The following TRPM3 variants were observed in gnomAD, a reference collection of about 807,000 sequenced individuals.
The protein encoded by TRPM3 is transient receptor potential cation channel subfamily M member 3, also known as long transient receptor potential channel 3.
In TRPM3, 77 loss-of-function variants were observed where a neutral mutation model predicts 181.2. The ratio of observed to expected loss-of-function variants is 0.42; its 90% CI spans 0.35 to 0.51. TRPM3 has a LOEUF of 0.51. Among genes scored for constraint, TRPM3 ranks in the 20% least tolerant of loss-of-function variants. TRPM3 has a pLI of 0.01. For missense variants in TRPM3, 1,759 were observed against 2,196.7 expected (o/e 0.80, Z 3.98); for synonymous variants, 745 against 796.4 (o/e 0.94, Z 1.09).
At chr9:70,831,511 G>A (rs2131755328) in intron 5 of TRPM3, among the ~76,000 whole-genome samples, 1 of 151,536 alleles carries the variant, frequency 6.6e-6, no homozygotes, top group Non-Finnish European at 1.5e-5. Flanking sequence ...GAGAAATTAA[G>A]TCCTACTGCC....
intron 22 of TRPM3, among the ~76,000 whole-genome samples, chr9:70,574,092 G>GCGCACA (rs961733949): frequency 8.4e-6 from 1 of 119,086 alleles, no homozygotes; most frequent in African/African-American, 2.8e-5. Flanking sequence ...ACACGCGCGC[G>GCGCACA]CACACACACA....
rs200421016 is a variant in TRPM3 at position 71,279,034 on chromosome 9, T to TAAAAAAAAAAAAAAAAAAA, written c.183+167618_183+167619insTTTTTTTTTTTTTTTTTTT. On this transcript the variant is annotated intron_variant, in intron 1 of 24. Transcript: ENST00000357533. ...CCTCACCAAACTTATCCTGCTTAGG[T>TAAAAAAAAAAAAAAAAAAA]TAAAAAAAATAAAAATAAAAATAAA... Among the ~76,000 whole-genome samples, 6 of 47,568 alleles carry TAAAAAAAAAAAAAAAAAAA rather than the reference T, an allele frequency of 1.3e-4. 1 individual carries two copies. The highest frequency in any genetic ancestry group is 6.2e-4 in the African/African-American group (6 of 9,620). 31.2% of individuals were successfully genotyped at this position (47,568 alleles called of 152,430 possible). A position where few individuals can be genotyped will look rare whatever the true frequency, so the allele number is the denominator to read the frequency against.
intron 1 of TRPM3, among the ~76,000 whole-genome samples, chr9:71,248,123 C>T (rs1588126907): frequency 6.6e-6 from 1 of 152,312 alleles, no homozygotes; most frequent in East Asian, 1.9e-4. Flanking sequence ...TAATTGGAAA[C>T]GTAAGGCATC....
intron 1 of TRPM3, among the ~76,000 whole-genome samples, chr9:71,398,645 T>C (rs1373218451): frequency 6.6e-6 from 1 of 152,196 alleles, no homozygotes; most frequent in Admixed American, 6.5e-5. Flanking sequence ...TGATTGTAAG[T>C]TTCCTGAGGC....
At chr9:71,354,615 A>G (rs1472119353) in intron 1 of TRPM3, among the ~76,000 whole-genome samples, 4 of 152,208 alleles carry the variant, frequency 2.6e-5, no homozygotes, top group Non-Finnish European at 5.9e-5. Flanking sequence ...TTCATCATCA[A>G]CTTACACAGA....
At chr9:70,799,290 A>C (rs2088185508) in intron 6 of TRPM3, among the ~76,000 whole-genome samples, 1 of 152,060 alleles carries the variant, frequency 6.6e-6, no homozygotes, top group Non-Finnish European at 1.5e-5. Context: ...AAGGTCATTA[A>C]AGTAACCATT....
At chr9:71,115,448 T>C (rs1294130794) in intron 1 of TRPM3, among the ~76,000 whole-genome samples, 1 of 152,188 alleles carries the variant, frequency 6.6e-6, no homozygotes, top group Non-Finnish European at 1.5e-5. Context: ...ATACGTTTTG[T>C]TGGTCACAGC....
In TRPM3 at chr9:71,359,018, C is replaced by A. The variant is rs187595402; in HGVS notation, c.183+87635G>T. Among the ~76,000 whole-genome samples, 690 of 152,296 alleles carry A rather than the reference C, an allele frequency of 4.5e-3. 5 individuals carry two copies. Among genetic ancestry groups the A allele is most frequent in the African/African-American group, 0.016 (661 of 41,558 alleles). ...ATATATTAAGAATTTGGTAATACTT[C>A]TTTTGATGATATAGTGCCTCACTGA... is the stretch of plus-strand genomic sequence containing the variant. On this transcript the variant is annotated intron_variant, in intron 1 of 24. Transcript: ENST00000357533.
chr9:70,816,715 C>T (rs1458778131), intron 6 of TRPM3, among the ~76,000 whole-genome samples: 1 of 152,110 alleles, frequency 6.6e-6, no homozygotes, highest in Non-Finnish European at 1.5e-5. Flanking sequence ...TGATGTGTAA[C>T]AAAATATGTG....
intron 1 of TRPM3, chr9:70,917,260 C>T (rs1441788057): frequency 4.0e-6 from 6 of 1,517,872 alleles, no homozygotes; most frequent in African/African-American, 1.4e-5. Context: ...TTATCATAAA[C>T]ACCAATTCAG....
intron 7 of TRPM3, among the ~76,000 whole-genome samples, chr9:70,769,012 T>C (rs2079682727): frequency 6.6e-6 from 1 of 152,188 alleles, no homozygotes; most frequent in African/African-American, 2.4e-5. Context: ...TCATATCTTA[T>C]TCAGATGATA....
At chr9:70,660,192 A>C (rs1403139474) in intron 9 of TRPM3, among the ~76,000 whole-genome samples, 2 of 152,120 alleles carry the variant, frequency 1.3e-5, no homozygotes, top group Non-Finnish European at 2.9e-5. Flanking sequence ...TCAAAGGAAA[A>C]TCAGTCTTGG....
chr9:70,554,578 C>G (rs1018550759), intron 22 of TRPM3, among the ~76,000 whole-genome samples: 2 of 152,166 alleles, frequency 1.3e-5, no homozygotes, highest in African/African-American at 4.8e-5. Context: ...CAATGCCCAG[C>G]TTGGCTCCAG....
Position 71,121,503 on chromosome 9 carries a change from T to C in TRPM3, c.-149A>G, listed in dbSNP as rs190752845. ...TGCAGCCGTGCTCATGCATACCAAA[T>C]GTGGCTGAATGGAGGCACACTGCCT... On this transcript the variant is annotated 5_prime_UTR_variant, in exon 1 of 26. Coordinates refer to ENST00000677713, the MANE Select transcript of TRPM3 (RefSeq NM_001366145.2). 4.5e-4 allele frequency: 639 copies of C among 1,415,512 alleles called. No individual in the cohort carries two copies. Among genetic ancestry groups the C allele is most frequent in the Non-Finnish European group, 5.5e-4 (598 of 1,088,662 alleles). The allele number at this position is 1,415,512 out of a possible 1,614,324, so 87.7% of individuals were successfully genotyped here.
intron 8 of TRPM3, among the ~76,000 whole-genome samples, chr9:70,745,570 A>T (rs765530458): frequency 1.3e-5 from 2 of 152,260 alleles, no homozygotes; most frequent in East Asian, 3.9e-4. Flanking sequence ...GAACATTTCA[A>T]TTTCTCCCCA....
At chr9:70,576,516 T>C (rs1688105768) in intron 22 of TRPM3, among the ~76,000 whole-genome samples, 2 of 151,798 alleles carry the variant, frequency 1.3e-5, no homozygotes, top group Admixed American at 6.6e-5. Context: ...TTCTTTTTTT[T>C]TTTTTTTTGG....
chr9:70,601,329 G>C (rs2132715735), intron 20 of TRPM3, among the ~76,000 whole-genome samples: 1 of 152,282 alleles, frequency 6.6e-6, no homozygotes, highest in South Asian at 2.1e-4. Context: ...GAAGTATGTG[G>C]GGCTGGGAAT....
intron 1 of TRPM3, among the ~76,000 whole-genome samples, chr9:71,321,251 C>A (rs2089196007): frequency 6.6e-6 from 1 of 152,024 alleles, no homozygotes; most frequent in South Asian, 2.1e-4. Context: ...ATCTATCCAC[C>A]TTTTTTCAAT....
intron 1 of TRPM3, among the ~76,000 whole-genome samples, chr9:71,371,905 T>A (rs1183319387): frequency 6.6e-6 from 1 of 152,174 alleles, no homozygotes; most frequent in Non-Finnish European, 1.5e-5. Flanking sequence ...CACAGTAAAC[T>A]ATTTGCTGCA....
Sources: allele counts gnomAD v4.1 joint callset (sites outside exome capture counted in the v4.1 genomes callset), GRCh38; gene constraint gnomAD v4.1.1; transcripts MANE v1.5; gene names NCBI Gene and HGNC (gene_info 2026-07-23, HGNC 2026-07-21).